Variants in ADGRL3 observed in about 807,000 individuals in gnomAD.
ADGRL3 encodes the protein adhesion G protein-coupled receptor L3.
A neutral mutation model predicts 153.5 loss-of-function variants in ADGRL3; 62 were observed. The ratio of observed to expected loss-of-function variants is 0.40; its 90% CI spans 0.33 to 0.50. The LOEUF (loss-of-function observed/expected upper bound fraction) is 0.50, where lower values mean the gene tolerates loss of function less well. Ranked by LOEUF, ADGRL3 falls within the 20% of genes least tolerant of loss-of-function variation. The pLI, the probability that ADGRL3 is intolerant of heterozygous loss-of-function variation, is 0.47. For synonymous variants in ADGRL3, 710 were observed against 672.5 expected (o/e 1.06, Z -0.86); for missense variants, 1,641 against 1,859.4 (o/e 0.88, Z 2.16).
chr4:61,591,834 T>C (rs1323072759), intron 5 of ADGRL3, among the ~76,000 whole-genome samples: 1 of 151,894 alleles, frequency 6.6e-6, no homozygotes, highest in African/African-American at 2.4e-5. Flanking sequence ...CGCAGCCCTT[T>C]GGGAGGCCGA....
chr4:61,690,330 A>G (rs2095517685), intron 6 of ADGRL3, among the ~76,000 whole-genome samples: 2 of 152,156 alleles, frequency 1.3e-5, no homozygotes, highest in East Asian at 1.9e-4. Flanking sequence ...TGTGGTCCCA[A>G]CTATAGGGAG....
At chr4:61,622,292 TAA>T (rs2092571380) in intron 5 of ADGRL3, among the ~76,000 whole-genome samples, 1 of 152,082 alleles carries the variant, frequency 6.6e-6, no homozygotes, top group Non-Finnish European at 1.5e-5. Context: ...AAGAGAATGC[TAA>T]TTAATACCAA....
At chr4:61,747,563 C>T (rs1355603816) in intron 8 of ADGRL3, among the ~76,000 whole-genome samples, 11 of 145,872 alleles carry the variant, frequency 7.5e-5, no homozygotes, top group African/African-American at 1.3e-4. Context: ...ATATGCAAAT[C>T]AATAAATGTA....
intron 2 of ADGRL3, among the ~76,000 whole-genome samples, chr4:61,494,408 G>C (rs1320211604): frequency 6.6e-6 from 1 of 152,162 alleles, no homozygotes; most frequent in African/African-American, 2.4e-5. Flanking sequence ...AGGTTTGTTA[G>C]GATAGAGCAT....
intron 11 of ADGRL3, among the ~76,000 whole-genome samples, chr4:61,908,802 T>C (rs2098708602): frequency 6.6e-6 from 1 of 152,190 alleles, no homozygotes; most frequent in African/African-American, 2.4e-5. Flanking sequence ...TGTTTCTTCT[T>C]TCTTGTTTCT....
chr4:61,521,087 G>A (rs2098528282), intron 4 of ADGRL3, among the ~76,000 whole-genome samples: 1 of 152,282 alleles, frequency 6.6e-6, no homozygotes, highest in East Asian at 1.9e-4. Context: ...AGTAGCAACT[G>A]TGTAACAGAG....
chr4:61,840,390 A>G (rs2098012064), intron 9 of ADGRL3, among the ~76,000 whole-genome samples: 1 of 152,194 alleles, frequency 6.6e-6, no homozygotes, highest in Non-Finnish European at 1.5e-5. Flanking sequence ...TGTTTGTCTC[A>G]TTTAACTTTC....
At chr4:61,720,316 C>T (rs2096217763) in intron 6 of ADGRL3, among the ~76,000 whole-genome samples, 1 of 151,870 alleles carries the variant, frequency 6.6e-6, no homozygotes, top group Non-Finnish European at 1.5e-5. Flanking sequence ...TGTCCAACTC[C>T]CGACCTCGTG....
At chr4:61,406,449 A>G (rs1285265172) in intron 2 of ADGRL3, among the ~76,000 whole-genome samples, 3 of 151,576 alleles carry the variant, frequency 2.0e-5, no homozygotes, top group Non-Finnish European at 4.4e-5. Context: ...ATTAAAGTAG[A>G]TAAGTTACTA....
At chr4:61,452,146 G>A (rs928906994) in intron 2 of ADGRL3, among the ~76,000 whole-genome samples, 5 of 152,102 alleles carry the variant, frequency 3.3e-5, no homozygotes, top group Non-Finnish European at 5.9e-5. Flanking sequence ...GATGTGATAT[G>A]CTCCAGGTTA....
chr4:61,804,104 A>G lies in ADGRL3; in HGVS notation c.1400-9705A>G, dbSNP rs146921847. 1.3e-3 allele frequency among the ~76,000 whole-genome samples: 191 copies of G among 152,304 alleles called. 1 individual carries two copies. Among genetic ancestry groups the G allele is most frequent in the South Asian group, 0.011 (53 of 4,832 alleles). On this transcript the variant is annotated intron_variant, in intron 8 of 26. Transcript: ENST00000683033. ...TCTATACAATGATATATTTTAAATT[A>G]TCTTGAAAAGAATTAGGTGGTAAAA...
rs549584980 is a variant in ADGRL3, at chr4:61,438,288, A to G, written c.-174+55099A>G. On this transcript the variant is annotated intron_variant, in intron 2 of 26. Transcript: ENST00000683033. ...GAAAATATAAAACTGTATGTACTTG[A>G]ATCACTCTATCACTTTCACATTAAC... Among the ~76,000 whole-genome samples the G allele has an allele frequency of 3.3e-5, 5 of 152,098 alleles. No individual in the cohort carries two copies. The South Asian group carries it at 1.0e-3, about 32-fold the overall frequency.
At chr4:61,616,139 A>T (rs1407072853) in intron 5 of ADGRL3, among the ~76,000 whole-genome samples, 1 of 152,152 alleles carries the variant, frequency 6.6e-6, no homozygotes, top group Non-Finnish European at 1.5e-5. Context: ...TGGAAAAGAA[A>T]ATATGAATTT....
chr4:62,048,729 T>G (rs1330783434), intron 25 of ADGRL3, among the ~76,000 whole-genome samples: 1 of 151,710 alleles, frequency 6.6e-6, no homozygotes, highest in Non-Finnish European at 1.5e-5. Context: ...TTTTTTTAAC[T>G]TTTTTTAGGG....
chr4:61,733,114 C>T lies in ADGRL3; in HGVS notation c.959C>T (p.Thr320Ile). Residue 320 changes from threonine (T) to isoleucine (I), a missense_variant, in exon 8 of 27, where the codon ACC (threonine) becomes ATC (isoleucine). Physicochemically the swap from Thr to Ile is moderately conservative, Grantham distance 89. Coordinates refer to ENST00000683033, the MANE Select transcript of ADGRL3 (RefSeq NM_001387552.1). ...AIIANANYHD[T>I]SPYRWGGKSD... ...ATAGCAAATGCCAATTACCATGATA[C>T]CTCCCCTTACCGATGGGGAGGCAAA... 6.2e-7 allele frequency: 1 copy of T among 1,613,278 alleles called. No individual in the cohort carries two copies. Among genetic ancestry groups the T allele is most frequent in the Non-Finnish European group, 8.5e-7 (1 of 1,179,658 alleles).
intron 25 of ADGRL3, among the ~76,000 whole-genome samples, chr4:62,055,978 G>A (rs1368015163): frequency 6.6e-6 from 1 of 151,334 alleles, no homozygotes; most frequent in Non-Finnish European, 1.5e-5. Flanking sequence ...TTATCAAAAA[G>A]TATATGGAAA....
At chr4:61,604,897 C>G (rs2099025944) in intron 5 of ADGRL3, among the ~76,000 whole-genome samples, 1 of 151,870 alleles carries the variant, frequency 6.6e-6, no homozygotes, top group Non-Finnish European at 1.5e-5. Flanking sequence ...TGAGAACAGC[C>G]TGGCCAACAT....
chr4:61,480,071 C>G (rs1247193113), intron 2 of ADGRL3, among the ~76,000 whole-genome samples: 1 of 152,072 alleles, frequency 6.6e-6, no homozygotes, highest in Non-Finnish European at 1.5e-5. Flanking sequence ...AAATTTCAAG[C>G]ATGTACTGTT....
chr4:61,896,001 G>A (rs2098629206), intron 11 of ADGRL3, among the ~76,000 whole-genome samples, 167 bp downstream of exon 11: 1 of 152,020 alleles, frequency 6.6e-6, no homozygotes, highest in Non-Finnish European at 1.5e-5. Flanking sequence ...GAATTTTGTT[G>A]TTTTTAAAGT....
Sources: allele counts gnomAD v4.1 joint callset (sites outside exome capture counted in the v4.1 genomes callset), GRCh38; gene constraint gnomAD v4.1.1; transcripts MANE v1.5; gene names NCBI Gene and HGNC (gene_info 2026-07-23, HGNC 2026-07-21).